TRAPPC8: variants seen among roughly 807,000 people sequenced by gnomAD.
TRAPPC8 encodes trafficking protein particle complex subunit 8.
In TRAPPC8, 54 loss-of-function variants were observed where a neutral mutation model predicts 174.3. The ratio of observed to expected loss-of-function variants is 0.31; its 90% CI spans 0.25 to 0.39. The LOEUF is 0.39. Ranked by LOEUF, TRAPPC8 falls within the 10% of genes least tolerant of loss-of-function variation. The pLI is 1.00. For synonymous variants in TRAPPC8, 630 were observed against 579.9 expected, an observed-to-expected ratio of 1.09 and a Z score of -1.24; for missense variants, 1,531 against 1,699.1, an observed-to-expected ratio of 0.90 and a Z score of 1.74.
At chr18:31,906,388 T>C (rs2036660614) in intron 9 of TRAPPC8, among the ~76,000 whole-genome samples, 2 of 152,076 alleles carry the variant, frequency 1.3e-5, no homozygotes, top group Admixed American at 1.3e-4. Context: ...AATTTTGCTA[T>C]TCTGGCTTCC....
At chr18:31,850,042 T>C (rs2033628142) in intron 24 of TRAPPC8, among the ~76,000 whole-genome samples, 1 of 151,960 alleles carries the variant, frequency 6.6e-6, no homozygotes, top group South Asian at 2.1e-4. Flanking sequence ...AACCTCTACC[T>C]CCTGGGCCCA....
chr18:31,916,127 T>A, intron 4 of TRAPPC8, 145 bp downstream of exon 4: 4 of 511,850 alleles, frequency 7.8e-6, no homozygotes, highest in Non-Finnish European at 1.2e-5. Context: ...GGATAAAACA[T>A]AAAGTTAAAT....
At chr18:31,919,585 T>TA (rs1555679123) in intron 2 of TRAPPC8, among the ~76,000 whole-genome samples, 42 of 65,416 alleles carry the variant, frequency 6.4e-4, no homozygotes, top group Admixed American at 4.0e-3. Flanking sequence ...AATAAATAAA[T>TA]AAATAAAATA....
At chr18:31,933,729 T>C (rs2037955896) in intron 1 of TRAPPC8, among the ~76,000 whole-genome samples, 1 of 152,168 alleles carries the variant, frequency 6.6e-6, no homozygotes, top group Non-Finnish European at 1.5e-5. Context: ...GGCCTGCGTA[T>C]ATTTTAAATA....
At chr18:31,859,150 C>G (rs924847685) in intron 19 of TRAPPC8, among the ~76,000 whole-genome samples, 6 of 152,012 alleles carry the variant, frequency 3.9e-5, no homozygotes, top group Non-Finnish European at 5.9e-5. Context: ...CAACTAACAT[C>G]TAAGCAAGCA....
intron 22 of TRAPPC8, chr18:31,852,905 G>C (rs555562229): frequency 2.4e-6 from 1 of 417,702 alleles, no homozygotes; most frequent in Non-Finnish European, 4.3e-6. Flanking sequence ...TCATATATGC[G>C]ACATTTCAGA....
rs1225158095 is a variant in TRAPPC8, at chr18:31,942,783, G to C, written c.-19C>G. 3 of 1,398,358 alleles carry C rather than the reference G, an allele frequency of 2.1e-6. No individual in the cohort carries two copies. The highest frequency in any genetic ancestry group is 3.0e-5 in the Admixed American group (1 of 33,120). The allele number at this position is 1,398,358 out of a possible 1,614,324, so 86.6% of individuals were successfully genotyped here. On this transcript the variant is annotated 5_prime_UTR_variant, in exon 1 of 29. Coordinates refer to ENST00000283351, the MANE Select transcript of TRAPPC8 (RefSeq NM_014939.5). Reference sequence around the variant, plus strand: ...GGGCCATCGCCGCAGCACAGGCAGCGGCGGCGCCCGCCCTCCGGCCCACCC... The same window carrying C: ...GGGCCATCGCCGCAGCACAGGCAGCCGCGGCGCCCGCCCTCCGGCCCACCC...
chr18:31,867,949 T>C (rs983217373), intron 16 of TRAPPC8, among the ~76,000 whole-genome samples: 2 of 152,062 alleles, frequency 1.3e-5, no homozygotes, highest in East Asian at 3.9e-4. Context: ...TAGCTGCTCA[T>C]AGTCAACAAT....
intron 15 of TRAPPC8, 143 bp downstream of exon 15, chr18:31,870,783 T>C (rs1389477026): frequency 3.5e-6 from 3 of 852,622 alleles, no homozygotes; most frequent in Non-Finnish European, 5.2e-6. Flanking sequence ...TGTCTGGTTT[T>C]ATAAATGCAG....
At chr18:31,918,663 G>A (rs2037248511) in intron 2 of TRAPPC8, among the ~76,000 whole-genome samples, 1 of 152,174 alleles carries the variant, frequency 6.6e-6, no homozygotes, top group East Asian at 1.9e-4. Context: ...ACTTGAATAT[G>A]ACAGTAACAA....
intron 26 of TRAPPC8, among the ~76,000 whole-genome samples, chr18:31,840,911 T>TAA (rs35355808): frequency 7.3e-6 from 1 of 136,590 alleles, no homozygotes; most frequent in African/African-American, 2.7e-5. Flanking sequence ...GGGCTACTGG[T>TAA]AAAAAAAAAA....
intron 12 of TRAPPC8, among the ~76,000 whole-genome samples, chr18:31,884,010 G>A (rs2035584437): frequency 1.3e-5 from 2 of 152,112 alleles, no homozygotes; most frequent in African/African-American, 2.4e-5. Flanking sequence ...CCAACATGGT[G>A]AAACCCCATC....
At chr18:31,837,838 T>C (rs2032847803) in intron 27 of TRAPPC8, among the ~76,000 whole-genome samples, 1 of 152,072 alleles carries the variant, frequency 6.6e-6, no homozygotes, top group South Asian at 2.1e-4. Flanking sequence ...GTTCCTGCAA[T>C]GGCTGACTCT....
chr18:31,912,422 T>C (rs569158125), intron 5 of TRAPPC8, among the ~76,000 whole-genome samples: 1 of 151,748 alleles, frequency 6.6e-6, no homozygotes, highest in Non-Finnish European at 1.5e-5. Flanking sequence ...ACATGGGAAG[T>C]GGAGGGTTGC....
At chr18:31,882,817 A>G (rs1052156589) in intron 12 of TRAPPC8, among the ~76,000 whole-genome samples, 42 of 150,978 alleles carry the variant, frequency 2.8e-4, no homozygotes, top group African/African-American at 1.0e-3. Flanking sequence ...GGATTCCACT[A>G]TGTTGGCCAG....
intron 27 of TRAPPC8, among the ~76,000 whole-genome samples, chr18:31,837,787 T>C (rs1365805621): frequency 6.6e-6 from 1 of 152,116 alleles, no homozygotes; most frequent in Non-Finnish European, 1.5e-5. Context: ...AATTCTGGTA[T>C]ATCGAAACAT....
At chr18:31,860,475 C>G (rs2145128040) in intron 19 of TRAPPC8, among the ~76,000 whole-genome samples, 1 of 152,158 alleles carries the variant, frequency 6.6e-6, no homozygotes, top group Non-Finnish European at 1.5e-5. Context: ...TTATTTTTAT[C>G]TTCTCTCAAT....
chr18:31,942,618 G>A lies in TRAPPC8; in HGVS notation c.147C>T (p.Leu49=), dbSNP rs1482883721. The A allele has an allele frequency of 2.5e-6, 4 of 1,604,124 alleles. No homozygotes were observed. The highest frequency in any genetic ancestry group is 2.6e-6 in the Non-Finnish European group (3 of 1,175,184). Reference sequence around the variant, plus strand: ...GAGGATACCACATACCCTCGGAAGTGAGGCGGGAGAAGGGCTTAAGCAGCT... The same window carrying A: ...GAGGATACCACATACCCTCGGAAGTAAGGCGGGAGAAGGGCTTAAGCAGCT... ...FAELLKPFSR[L]TSEVHMRDPN... is the part of the protein sequence containing the mutation. The change falls in exon 1 of 29, where the codon CTC becomes CTT. Residue 49 remains leucine, a synonymous_variant. Transcript: ENST00000283351.
chr18:31,839,110 A>C (rs1348179958), intron 27 of TRAPPC8, among the ~76,000 whole-genome samples: 3 of 152,220 alleles, frequency 2.0e-5, no homozygotes, highest in African/African-American at 7.2e-5. Context: ...CAAATATATC[A>C]CATTTGCCAT....
Sources: allele counts gnomAD v4.1 joint callset (sites outside exome capture counted in the v4.1 genomes callset), GRCh38; gene constraint gnomAD v4.1.1; transcripts MANE v1.5; gene names NCBI Gene and HGNC (gene_info 2026-07-23, HGNC 2026-07-21).